ZNF484: variants seen among roughly 807,000 people sequenced by gnomAD.
ZNF484 encodes zinc finger protein 484, also known as KRAB box containing C2H2 type zinc finger bA526D8.4.
In ZNF484, 11 loss-of-function variants were observed where a neutral mutation model predicts 12.9. The ratio of observed to expected loss-of-function variants is 0.85; its 90% CI spans 0.54 to 1.41. ZNF484 has a LOEUF of 1.41. ZNF484 is among the 40% of genes most tolerant of loss of function. The pLI is 0.00. For missense variants in ZNF484, 807 were observed against 1,007.7 expected (o/e 0.80, Z 2.70); for synonymous variants, 289 against 334.1 (o/e 0.86, Z 1.47).
intron 2 of ZNF484, among the ~76,000 whole-genome samples, chr9:92,860,544 C>CA (rs1856719803): frequency 1.4e-5 from 2 of 142,964 alleles, no homozygotes; most frequent in Non-Finnish European, 3.0e-5. Flanking sequence ...GCGGAGCTTG[C>CA]AGTGAGCTGA....
intron 4 of ZNF484, among the ~76,000 whole-genome samples, chr9:92,850,415 A>T (rs1855994989): frequency 6.6e-6 from 1 of 152,220 alleles, no homozygotes; most frequent in Non-Finnish European, 1.5e-5. Context: ...TCTCCCTATG[A>T]TCCACTGTGC....
rs57527514 is a variant in ZNF484, at chr9:92,858,065, C to CA, written c.16-1748dup. 3.3e-3 allele frequency among the ~76,000 whole-genome samples: 500 copies of CA among 151,950 alleles called. 1 individual carries two copies. The highest frequency in any genetic ancestry group is 0.011 in the African/African-American group (467 of 41,456). ...TATTATACACAGTGTTTAAAACAAA[C>CA]AAAAAAATCCTACACATCCAAAAAG... On this transcript the variant is annotated intron_variant, in intron 2 of 4. Coordinates refer to ENST00000375495, the MANE Select transcript of ZNF484 (RefSeq NM_031486.4).
intron 2 of ZNF484, among the ~76,000 whole-genome samples, chr9:92,867,727 C>A (rs1364576639): frequency 6.6e-6 from 1 of 152,180 alleles, no homozygotes; most frequent in Non-Finnish European, 1.5e-5. Flanking sequence ...TAATGAGAAA[C>A]TCAGTAACCT....
chr9:92,855,762 A>G (rs373900299), intron 4 of ZNF484, 49 bp downstream of exon 4: 10 of 1,567,178 alleles, frequency 6.4e-6, no homozygotes, highest in African/African-American at 2.7e-5. Context: ...CTCCCAGTAC[A>G]AATGCAGCTG....
intron 2 of ZNF484, chr9:92,861,998 TA>T: frequency 4.4e-6 from 1 of 226,422 alleles, no homozygotes; most frequent in Non-Finnish European, 7.3e-6. Flanking sequence ...ACTTTCTCAT[TA>T]AAAACCACAG....
intron 2 of ZNF484, among the ~76,000 whole-genome samples, chr9:92,873,899 A>G: frequency 6.6e-6 from 1 of 152,044 alleles, no homozygotes; most frequent in Non-Finnish European, 1.5e-5. Flanking sequence ...TGATACAAAA[A>G]CCCTTAACAA....
At chr9:92,871,505 T>C (rs1036503322) in intron 2 of ZNF484, among the ~76,000 whole-genome samples, 1 of 152,174 alleles carries the variant, frequency 6.6e-6, no homozygotes, top group Non-Finnish European at 1.5e-5. Flanking sequence ...GGATGGGGGC[T>C]GAACAAGTAT....
At position 92,848,309 on chromosome 9, in the gene ZNF484, C is replaced by T; in HGVS notation, c.478G>A (p.Glu160Lys). The T allele has an allele frequency of 6.2e-7, 1 of 1,614,104 alleles. No homozygotes were observed. The highest frequency in any genetic ancestry group is 8.5e-7 in the Non-Finnish European group (1 of 1,180,006). The change falls in exon 5 of 5, where the codon GAA becomes AAA. Residue 160 changes from glutamate to lysine, a missense_variant. Physicochemically the swap from Glu to Lys is moderately conservative, Grantham distance 56. Transcript: ENST00000375495. This position sits in a 1 kb window ranked among gnomAD's most constrained non-coding sequence, Gnocchi z 4.1. The stretch of plus-strand genomic sequence containing the variant: ...AGGTGTGTGTTTACATGAACTATTT[C>T]CCCAATGTCCTTATATTCAAAGATG... Reference protein sequence around the residue: ...DSIFEYKDIGEIVHVNTHLVS... With the variant: ...DSIFEYKDIGKIVHVNTHLVS...
At chr9:92,875,101 C>A in intron 1 of ZNF484, 42 bp from the exon 2 acceptor site, 1 of 1,594,648 alleles carries the variant, frequency 6.3e-7, no homozygotes, top group Non-Finnish European at 8.6e-7. Context: ...AGAGAAGGAA[C>A]TGTGCCAATG....
rs1210564822 is a variant in ZNF484 at position 92,848,950 on chromosome 9, TAAATAAAA to T, written c.236-407_236-400del. ...ATAAATAAATAAATAAATAAATAAA[TAAATAAAA>T]ATACAATAGACCTTTGATTCAGGCC... On this transcript the variant is annotated intron_variant, in intron 4 of 4. Transcript: ENST00000375495. This position sits in a 1 kb window ranked among gnomAD's most constrained non-coding sequence, Gnocchi z 4.1. 1.3e-4 allele frequency among the ~76,000 whole-genome samples: 19 copies of T among 144,080 alleles called. No homozygotes were observed. The highest frequency in any genetic ancestry group is 2.8e-4 in the African/African-American group (11 of 39,126). 94.5% of individuals were successfully genotyped at this position (144,080 alleles called of 152,430 possible).
chr9:92,846,568 C>A lies in ZNF484; in HGVS notation c.2219G>T (p.Arg740Ile), dbSNP rs142607608. The change falls in exon 5 of 5, where the codon AGA (arginine) becomes ATA (isoleucine). Residue 740 changes from arginine to isoleucine, a missense_variant. By Grantham distance (97) the Arg-to-Ile change is moderately conservative (BLOSUM62 -3). Transcript: ENST00000375495. ...IQKSHLNRHRRIHTGEKPYEC... is the reference protein window; with the variant it reads ...IQKSHLNRHRIIHTGEKPYEC... Reference sequence around the variant, plus strand: ...ATAGGGTTTCTCTCCAGTATGAATTCTCCTGTGTCTATTTAAGTGTGACTT... The same window carrying A: ...ATAGGGTTTCTCTCCAGTATGAATTATCCTGTGTCTATTTAAGTGTGACTT... The A allele has an allele frequency of 2.7e-5, 44 of 1,613,692 alleles. No individual in the cohort carries two copies. The highest frequency in any genetic ancestry group is 3.6e-5 in the Non-Finnish European group (42 of 1,179,928).
At position 92,846,235 on chromosome 9, in the gene ZNF484, G is replaced by A; in HGVS notation, c.2552C>T (p.Ser851Phe). 1.2e-6 allele frequency: 2 copies of A among 1,612,500 alleles called. No homozygotes were observed. Among genetic ancestry groups the A allele is most frequent in the South Asian group, 2.2e-5 (2 of 90,830 alleles). ...AGATGTTCATAATTCTAACTAGATA[G>A]AAGAAAGTTGGCCTTGGTCACCTTC... is the stretch of plus-strand genomic sequence containing the variant. ...DSEGDQGQLS[S>F]I Residue 851 changes from serine (S) to phenylalanine (F), a missense_variant, in exon 5 of 5, where the codon TCT becomes TTT. Coordinates refer to ENST00000375495, the MANE Select transcript of ZNF484 (RefSeq NM_031486.4).
chr9:92,865,443 T>A (rs1857013697), intron 2 of ZNF484, among the ~76,000 whole-genome samples: 1 of 152,210 alleles, frequency 6.6e-6, no homozygotes, highest in South Asian at 2.1e-4. Context: ...GAAATGCTAA[T>A]TAAATCCAAA....
At chr9:92,873,891 A>G (rs183383773) in intron 2 of ZNF484, among the ~76,000 whole-genome samples, 1 of 152,184 alleles carries the variant, frequency 6.6e-6, no homozygotes, top group African/African-American at 2.4e-5. Flanking sequence ...CATAAATATG[A>G]TACAAAAACC....
chr9:92,847,140 C>CG lies in ZNF484; in HGVS notation c.1646_1647insC (p.Glu549AspfsTer5). ...CACATTCACTGCATTCATAATGTCT[C>CG]TCTCCAGTATGACACTTCTGATGTA... On this transcript the variant is annotated frameshift_variant, in exon 5 of 5. Transcript: ENST00000375495. LOFTEE classifies it low-confidence loss of function (END_TRUNC). The CG allele has an allele frequency of 6.2e-7, 1 of 1,614,002 alleles. No individual in the cohort carries two copies.
chr9:92,857,430 G>A (rs1231028047), intron 2 of ZNF484, among the ~76,000 whole-genome samples: 1 of 152,106 alleles, frequency 6.6e-6, no homozygotes, highest in African/African-American at 2.4e-5. Context: ...CAAACACATG[G>A]CCATTTTCCC....
Position 92,847,131 on chromosome 9 carries a change from A to G in ZNF484, c.1656T>C (p.Tyr552=). Residue 552 remains tyrosine (Y), a synonymous_variant, in exon 5 of 5, where the codon TAT becomes TAC. Coordinates refer to ENST00000375495, the MANE Select transcript of ZNF484 (RefSeq NM_031486.4). ...ATGCTTTCCCACATTCACTGCATTC[A>G]TAATGTCTCTCTCCAGTATGACACT... The part of the protein sequence containing the change: ...HQKCHTGERH[Y]ECSECGKAFI... 1 of 1,614,158 alleles carries G rather than the reference A, an allele frequency of 6.2e-7. No homozygotes were observed.
chr9:92,871,867 T>C (rs547394917), intron 2 of ZNF484, among the ~76,000 whole-genome samples: 3 of 152,336 alleles, frequency 2.0e-5, no homozygotes, highest in South Asian at 4.1e-4. Context: ...CGGCTGTCCT[T>C]AAAATAGGAA....
intron 4 of ZNF484, among the ~76,000 whole-genome samples, chr9:92,851,559 G>A (rs958565991): frequency 6.6e-6 from 1 of 152,140 alleles, no homozygotes; most frequent in East Asian, 1.9e-4. Context: ...AAATTTGTCA[G>A]CCCTTGCCCT....
Sources: allele counts gnomAD v4.1 joint callset (sites outside exome capture counted in the v4.1 genomes callset), GRCh38; gene constraint gnomAD v4.1.1; non-coding constraint Gnocchi (gnomAD v3.1); transcripts MANE v1.5; gene names NCBI Gene and HGNC (gene_info 2026-07-23, HGNC 2026-07-21).